The following PIK3CB variants were observed in gnomAD, a reference collection of about 807,000 sequenced individuals.
The protein encoded by PIK3CB is phosphatidylinositol-4,5-bisphosphate 3-kinase catalytic subunit beta.
Under a neutral mutation model 136.8 loss-of-function variants are expected in PIK3CB, and 39 were observed. The observed-to-expected ratio is 0.29, with a 90% CI of 0.22 to 0.37. The LOEUF (loss-of-function observed/expected upper bound fraction) is 0.37. Ranked by LOEUF, PIK3CB falls within the 10% of genes least tolerant of loss-of-function variation. The pLI is 1.00. For missense variants in PIK3CB, 868 were observed against 1,275.4 expected, an observed-to-expected ratio of 0.68 and a Z score of 4.87; for synonymous variants, 428 against 436.6, an observed-to-expected ratio of 0.98 and a Z score of 0.25.
rs1025900927 is a variant in PIK3CB at position 138,714,669 on chromosome 3, G to A, written c.1101C>T (p.Thr367=). The change falls in exon 9 of 24, where the codon ACC becomes ACT. Residue 367 remains threonine, a synonymous_variant. Coordinates refer to ENST00000674063, the MANE Select transcript of PIK3CB (RefSeq NM_006219.3). The part of the protein sequence containing the change: ...LFHGTELLCK[T]IVSSEVSGKN... ...TCCCTGATACCTCTGAGCTTACGATGGTTTTACACAGGAGCTCAGTACCAT... is the reference window on the plus strand; with the variant it reads ...TCCCTGATACCTCTGAGCTTACGATAGTTTTACACAGGAGCTCAGTACCAT... The A allele has an allele frequency of 6.2e-7, 1 of 1,612,516 alleles. No individual in the cohort carries two copies. The highest frequency in any genetic ancestry group is 1.1e-5 in the South Asian group (1 of 91,008).
At chr3:138,827,775 C>T (rs1230730917) in intron 1 of PIK3CB, among the ~76,000 whole-genome samples, 1 of 150,382 alleles carries the variant, frequency 6.6e-6, no homozygotes, top group African/African-American at 2.4e-5. Context: ...GTCAGGAAAT[C>T]GAGACTATCC....
Position 138,771,461 on chromosome 3 carries a change from G to A in PIK3CB, c.-16-12102C>T, listed in dbSNP as rs976063435. Among the ~76,000 whole-genome samples, 6 of 151,832 alleles carry A rather than the reference G, an allele frequency of 4.0e-5. No individual in the cohort carries two copies. The South Asian group carries it at 6.2e-4, about 16-fold the overall frequency. ...TGTCAATCTCCTGACCTCGTGATCT[G>A]CCCACCTCGGCCTCCCAAAGTGCTG... On this transcript the variant is annotated intron_variant, in intron 2 of 23. Transcript: ENST00000674063.
rs1307505018 is a variant in PIK3CB at position 138,653,834 on chromosome 3, A to G, written c.*1555T>C. On this transcript the variant is annotated 3_prime_UTR_variant, in exon 24 of 24. Transcript: ENST00000674063. ...TGGCTCCTTACCTCAGGCTCCCACC[A>G]AAGTCCAGGGGGCCTCCTATACCAT... 1 of 198,582 alleles carries G rather than the reference A, an allele frequency of 5.0e-6. No individual in the cohort carries two copies. Among genetic ancestry groups the G allele is most frequent in the African/African-American group, 2.3e-5 (1 of 43,364 alleles). The allele number at this position is 198,582 out of a possible 1,614,324, so 12.3% of individuals were successfully genotyped here.
At chr3:138,810,174 G>A (rs1228524665) in intron 1 of PIK3CB, among the ~76,000 whole-genome samples, 2 of 152,054 alleles carry the variant, frequency 1.3e-5, no homozygotes, top group Non-Finnish European at 2.9e-5. Context: ...ATATCTACAA[G>A]TCTACACTGA....
At chr3:138,739,429 G>A (rs575429703) in intron 5 of PIK3CB, among the ~76,000 whole-genome samples, 34 of 151,802 alleles carry the variant, frequency 2.2e-4, no homozygotes, top group Non-Finnish European at 4.7e-4. Flanking sequence ...GCGACAGAGC[G>A]AGACTCCGAC....
chr3:138,785,940 GATC>G (rs2045977858), intron 2 of PIK3CB, among the ~76,000 whole-genome samples: 1 of 151,404 alleles, frequency 6.6e-6, no homozygotes, highest in African/African-American at 2.4e-5. Context: ...TACATTAATA[GATC>G]AATAAATAAT....
chr3:138,785,789 G>A (rs1468521368), intron 2 of PIK3CB, among the ~76,000 whole-genome samples: 6 of 144,930 alleles, frequency 4.1e-5, no homozygotes, highest in African/African-American at 1.5e-4. Context: ...CAAATCCCCC[G>A]CTCCGAGAAA....
chr3:138,805,143 T>C (rs1319824791), intron 1 of PIK3CB, among the ~76,000 whole-genome samples: 1 of 151,792 alleles, frequency 6.6e-6, no homozygotes, highest in Non-Finnish European at 1.5e-5. Flanking sequence ...GAGACCAGCC[T>C]GGCCAACGTG....
chr3:138,770,768 G>A (rs1468719262), intron 2 of PIK3CB, among the ~76,000 whole-genome samples: 1 of 152,074 alleles, frequency 6.6e-6, no homozygotes, highest in African/African-American at 2.4e-5. Flanking sequence ...CTAGAGTGCA[G>A]TGGTGCAATC....
intron 2 of PIK3CB, among the ~76,000 whole-genome samples, chr3:138,761,923 G>A (rs2045668053): frequency 7.3e-6 from 1 of 136,374 alleles, no homozygotes; most frequent in Non-Finnish European, 1.6e-5. Flanking sequence ...CTGGGCAACA[G>A]AGTGGGACTC....
intron 9 of PIK3CB, among the ~76,000 whole-genome samples, chr3:138,713,035 T>C (rs952844598): frequency 6.6e-6 from 1 of 152,142 alleles, no homozygotes; most frequent in Non-Finnish European, 1.5e-5. Flanking sequence ...TATACAAACA[T>C]TTAAATAGAT....
intron 4 of PIK3CB, among the ~76,000 whole-genome samples, chr3:138,748,222 A>G (rs891376665): frequency 2.6e-5 from 4 of 151,200 alleles, no homozygotes; most frequent in African/African-American, 7.3e-5. Flanking sequence ...AATTTTATCA[A>G]TCGTAATCTC....
At chr3:138,701,957 TG>T (rs2044263918) in intron 12 of PIK3CB, among the ~76,000 whole-genome samples, 1 of 150,736 alleles carries the variant, frequency 6.6e-6, no homozygotes, top group Non-Finnish European at 1.5e-5. Flanking sequence ...GTTTTATATA[TG>T]TATATATAGA....
At chr3:138,706,264 C>G (rs2044376144) in intron 11 of PIK3CB, among the ~76,000 whole-genome samples, 1 of 152,126 alleles carries the variant, frequency 6.6e-6, no homozygotes, top group Admixed American at 6.6e-5. Flanking sequence ...CATGCCAAAC[C>G]TAAAGATAAA....
chr3:138,803,748 T>C (rs1000978025), intron 1 of PIK3CB, among the ~76,000 whole-genome samples: 1 of 152,134 alleles, frequency 6.6e-6, no homozygotes, highest in African/African-American at 2.4e-5. Context: ...CTGGAGCTGA[T>C]GGCCTCCTTC....
chr3:138,827,595 C>T (rs1933839516), intron 1 of PIK3CB, among the ~76,000 whole-genome samples: 1 of 151,874 alleles, frequency 6.6e-6, no homozygotes, highest in South Asian at 2.1e-4. Context: ...AGGAGGATCA[C>T]TTGAGCACAG....
rs936011646 is a variant in PIK3CB, at chr3:138,654,368, GAACT to G, written c.*1017_*1020del. The stretch of plus-strand genomic sequence containing the variant: ...GTGTGGCGTGAAACCATTTCAATTT[GAACT>G]AATATCCTTGAAAAAAATCACATTA... On this transcript the variant is annotated 3_prime_UTR_variant, in exon 24 of 24. Transcript: ENST00000674063. 5 of 222,106 alleles carry G rather than the reference GAACT, an allele frequency of 2.3e-5. No individual in the cohort carries two copies. The highest frequency in any genetic ancestry group is 3.6e-5 in the Non-Finnish European group (4 of 111,292). The allele number at this position is 222,106 out of a possible 1,614,324, so 13.8% of individuals were successfully genotyped here. A position where few individuals can be genotyped will look rare whatever the true frequency, so the allele number is the denominator to read the frequency against.
chr3:138,682,108 T>C, intron 18 of PIK3CB, 63 bp from the exon 19 acceptor site: 1 of 930,906 alleles, frequency 1.1e-6, no homozygotes. Flanking sequence ...AACTCATTAA[T>C]TCAAGACTAA....
intron 2 of PIK3CB, among the ~76,000 whole-genome samples, chr3:138,762,784 C>G (rs769044665): frequency 6.6e-6 from 1 of 151,786 alleles, no homozygotes; most frequent in Non-Finnish European, 1.5e-5. Context: ...ATGGTGAAAC[C>G]TTGTCTCTAC....
Sources: allele counts gnomAD v4.1 joint callset (sites outside exome capture counted in the v4.1 genomes callset), GRCh38; gene constraint gnomAD v4.1.1; transcripts MANE v1.5; gene names NCBI Gene and HGNC (gene_info 2026-07-23, HGNC 2026-07-21).